The following NPC1 variants were observed in gnomAD, a reference collection of about 807,000 sequenced individuals.
The protein encoded by NPC1 is Niemann-Pick C1 protein.
NPC1 carries 85 observed loss-of-function variants against 140.4 expected under a neutral mutation model. The observed-to-expected ratio is 0.61, with a 90% CI of 0.51 to 0.72. NPC1 has a LOEUF of 0.72. Ranked by LOEUF, NPC1 falls within the 30% of genes least tolerant of loss-of-function variation. The pLI is 0.00. For synonymous variants in NPC1, 656 were observed against 624.8 expected, an observed-to-expected ratio of 1.05 and a Z score of -0.74; for missense variants, 1,504 against 1,623.8, an observed-to-expected ratio of 0.93 and a Z score of 1.27.
chr18:23,543,350 A>G (rs540983219), intron 14 of NPC1, 105 bp downstream of exon 14: 4 of 710,414 alleles, frequency 5.6e-6, no homozygotes, highest in Admixed American at 2.5e-5. Flanking sequence ...AAAAAAAGAA[A>G]AAAAAAAAAA....
At chr18:23,536,597 C>G in intron 21 of NPC1, 76 bp downstream of exon 21, 1 of 1,337,020 alleles carries the variant, frequency 7.5e-7, no homozygotes, top group Non-Finnish European at 1.1e-6. Flanking sequence ...AGCATCTTGC[C>G]AAGGGAACCC....
intron 4 of NPC1, among the ~76,000 whole-genome samples, chr18:23,562,276 A>G (rs2059053087): frequency 6.7e-6 from 1 of 149,952 alleles, no homozygotes; most frequent in African/African-American, 2.5e-5. Context: ...GTGACAGAGC[A>G]AGACTCCATC....
chr18:23,530,523 A>G (rs2058461005), downstream of NPC1: 1 of 1,614,162 alleles, frequency 6.2e-7, no homozygotes, highest in Admixed American at 1.7e-5. Flanking sequence ...GCTGCAAAGC[A>G]GACTGAAGAC....
downstream of NPC1, among the ~76,000 whole-genome samples, chr18:23,520,763 A>C (rs1205109719): frequency 6.6e-6 from 1 of 151,834 alleles, no homozygotes; most frequent in Non-Finnish European, 1.5e-5. Context: ...GTATTCAAGC[A>C]ATTGAACCAA....
chr18:23,540,554 A>G lies in NPC1; in HGVS notation c.2515-17T>C. ...TATTGCTATCTGGAACAACAAATGA[A>G]TCATAAGACAGAGACTGCTTAGTAA... On this transcript the variant is annotated splice_polypyrimidine_tract_variant and intron_variant, in intron 16 of 24. Coordinates refer to ENST00000269228, the MANE Select transcript of NPC1 (RefSeq NM_000271.5). 1.3e-6 allele frequency: 2 copies of G among 1,552,318 alleles called. No individual in the cohort carries two copies. The highest frequency in any genetic ancestry group is 2.2e-5 in the South Asian group (2 of 89,826).
intron 3 of NPC1, chr18:23,507,197 C>T (rs576903065): frequency 2.1e-6 from 1 of 483,364 alleles, no homozygotes; most frequent in African/African-American, 2.0e-5. Flanking sequence ...TGTATTAGAG[C>T]CTTCAAAAAC....
intron 1 of NPC1, among the ~76,000 whole-genome samples, chr18:23,585,923 C>A (rs2059412768): frequency 6.6e-6 from 1 of 152,176 alleles, no homozygotes; most frequent in African/African-American, 2.4e-5. Context: ...GTTAGAGCTC[C>A]TAAATTTTGG....
In NPC1 at chr18:23,541,179, G is replaced by A; in HGVS notation, c.2403C>T (p.Val801=). The A allele has an allele frequency of 6.2e-7, 1 of 1,614,196 alleles. No individual in the cohort carries two copies. Among genetic ancestry groups the A allele is most frequent in the Non-Finnish European group, 8.5e-7 (1 of 1,180,022 alleles). The change falls in exon 16 of 25, where the codon GTC becomes GTT. Residue 801 remains valine (V), a synonymous_variant. Transcript: ENST00000269228. The part of the protein sequence containing the change: ...EKNRLDIFCC[V]RGAEDGTSVQ... ...CGCTTGTTCCATCTTCAGCACCTCT[G>A]ACACAGCAAAAGATGTCTAGCCGAT...
rs977583857 is a variant in NPC1, at chr18:23,586,396, C to A, written c.-53G>T. On this transcript the variant is annotated 5_prime_UTR_variant, in exon 1 of 25. Coordinates refer to ENST00000269228, the MANE Select transcript of NPC1 (RefSeq NM_000271.5). Reference sequence around the variant, plus strand: ...CGGCGGCGTTCGGCTGGTTGGGCTCCCCGGAGGCGGCTCTACTTCCCCGGG... The same window carrying A: ...CGGCGGCGTTCGGCTGGTTGGGCTCACCGGAGGCGGCTCTACTTCCCCGGG... 90 of 1,529,192 alleles carry A rather than the reference C, an allele frequency of 5.9e-5. No individual in the cohort carries two copies. The South Asian group carries it at 9.2e-4, about 16-fold the overall frequency. The allele number at this position is 1,529,192 out of a possible 1,614,324, so 94.7% of individuals were successfully genotyped here.
At chr18:23,527,967 A>C, downstream of NPC1, 1 of 1,293,974 alleles carries the variant, frequency 7.7e-7, no homozygotes, top group East Asian at 2.4e-5. Context: ...TTTCTAAGTA[A>C]TTATGATGCA....
chr18:23,529,960 G>A (rs1273376009), downstream of NPC1: 5 of 1,405,112 alleles, frequency 3.6e-6, no homozygotes, highest in Admixed American at 7.1e-5. Context: ...CCAGTCCTTG[G>A]GGAGCCTCTA....
rs764142835 is a variant in NPC1 at position 23,533,521 on chromosome 18, AAAG to A, written c.3592-7_3592-5del. On this transcript the variant is annotated splice_polypyrimidine_tract_variant and splice_region_variant and intron_variant, in intron 23 of 24. Coordinates refer to ENST00000269228, the MANE Select transcript of NPC1 (RefSeq NM_000271.5). Reference sequence around the variant, plus strand: ...TAAGTGTGATTCCACTGAACACCTAAAAGAAGAGATACTGTGTTAGAAACCACT... The same window carrying A: ...TAAGTGTGATTCCACTGAACACCTAAAAGAGATACTGTGTTAGAAACCACT... 1.5e-5 allele frequency: 25 copies of A among 1,613,940 alleles called. No homozygotes were observed. The highest frequency in any genetic ancestry group is 2.2e-5 in the South Asian group (2 of 91,084).
intron 24 of NPC1, chr18:23,533,144 A>G (rs2145333848): frequency 3.1e-6 from 2 of 655,442 alleles, no homozygotes; most frequent in African/African-American, 1.8e-5. Flanking sequence ...CAGAAAAAAC[A>G]TCGACAACTT....
intron 1 of NPC1, among the ~76,000 whole-genome samples, chr18:23,574,618 G>C (rs968994217): frequency 6.6e-6 from 1 of 152,034 alleles, no homozygotes; most frequent in Non-Finnish European, 1.5e-5. Flanking sequence ...AAGTCAGCAG[G>C]AGATTGGGAT....
intron 24 of NPC1, among the ~76,000 whole-genome samples, chr18:23,532,695 CTTT>C (rs61493442): frequency 1.5e-5 from 2 of 136,836 alleles, no homozygotes; most frequent in East Asian, 4.2e-4. Context: ...GTGCTCATCT[CTTT>C]TTTTTTTTTT....
downstream of NPC1, chr18:23,529,215 C>T (rs756302278): frequency 3.7e-6 from 6 of 1,613,946 alleles, no homozygotes; most frequent in Non-Finnish European, 5.1e-6. Context: ...CAGCCCGCTC[C>T]TCAAGAGGCC....
intron 3 of NPC1, among the ~76,000 whole-genome samples, chr18:23,569,812 C>A (rs1402728157): frequency 6.6e-6 from 1 of 152,222 alleles, no homozygotes; most frequent in Non-Finnish European, 1.5e-5. Context: ...CAGGAGCACA[C>A]AACTGCACAA....
At chr18:23,582,838 C>T (rs1238175308) in intron 1 of NPC1, among the ~76,000 whole-genome samples, 2 of 147,816 alleles carry the variant, frequency 1.4e-5, no homozygotes, top group Admixed American at 1.3e-4. Context: ...AGGGCCAGCA[C>T]GGTGGCTCAT....
At position 23,541,053 on chromosome 18, in the gene NPC1, C is replaced by T. The variant is rs765825660; in HGVS notation, c.2514+15G>A. ...TCAGTGAGAGGAAAGAGAAAAACCACAGATAAGCGCATACCACAATTGGTC... is the reference window on the plus strand; with the variant it reads ...TCAGTGAGAGGAAAGAGAAAAACCATAGATAAGCGCATACCACAATTGGTC... On this transcript the variant is annotated intron_variant, in intron 16 of 24. Transcript: ENST00000269228. The T allele has an allele frequency of 3.1e-6, 5 of 1,613,930 alleles. No homozygotes were observed. The African/African-American group carries it at 6.7e-5, about 22-fold the overall frequency.
Sources: allele counts gnomAD v4.1 joint callset (sites outside exome capture counted in the v4.1 genomes callset), GRCh38; gene constraint gnomAD v4.1.1; transcripts MANE v1.5; gene names NCBI Gene and HGNC (gene_info 2026-07-23, HGNC 2026-07-21).